CLIP4: variants seen among roughly 807,000 people sequenced by gnomAD.
CLIP4 encodes CAP-Gly domain containing linker protein family member 4.
A neutral mutation model predicts 73.1 loss-of-function variants in CLIP4; 47 were observed. The ratio of observed to expected loss-of-function variants is 0.64; its 90% confidence interval spans 0.51 to 0.82. The LOEUF is 0.82. CLIP4 is among the 40% of genes least tolerant of loss of function. The pLI is 0.00. For synonymous variants in CLIP4, 306 were observed against 295.4 expected, an observed-to-expected ratio of 1.04 and a Z score of -0.37; for missense variants, 874 against 852.9, an observed-to-expected ratio of 1.02 and a Z score of -0.31.
chr2:29,130,737 C>A, intron 2 of CLIP4: 2 of 1,249,326 alleles, frequency 1.6e-6, no homozygotes, highest in Non-Finnish European at 2.1e-6. Flanking sequence ...TTTGGTGCCT[C>A]TCATCTTTTA....
Position 29,167,074 on chromosome 2 carries a change from C to T in CLIP4, c.1659-402C>T, listed in dbSNP as rs555542858. Among the ~76,000 whole-genome samples the T allele has an allele frequency of 2.6e-5, 4 of 152,298 alleles. No individual in the cohort carries two copies. In the East Asian group the frequency reaches 7.7e-4, roughly 29 times the overall value. On this transcript the variant is annotated intron_variant, in intron 13 of 15. Transcript: ENST00000320081. ...ATATAGTTTTACCAGAAAAATCACT[C>T]ACACAAACTCAGCCAATATCTTTTT...
At chr2:29,157,522 CG>C (rs1404881215) in intron 11 of CLIP4, 175 bp downstream of exon 11, 17 of 905,886 alleles carry the variant, frequency 1.9e-5, no homozygotes, top group Non-Finnish European at 2.7e-5. Context: ...TTTGTTTTGC[CG>C]TCTCAGATAT....
chr2:29,135,511 A>G (rs796286081), intron 5 of CLIP4, 37 bp from the exon 6 acceptor site: 1 of 1,454,382 alleles, frequency 6.9e-7, no homozygotes, highest in Non-Finnish European at 9.5e-7. Context: ...GCTAAGTTTA[A>G]ACTTTTAGTT....
intron 14 of CLIP4, among the ~76,000 whole-genome samples, chr2:29,171,903 T>C (rs1275512243): frequency 3.3e-5 from 5 of 152,146 alleles, no homozygotes; most frequent in Admixed American, 6.5e-5. Flanking sequence ...ATTACTGATA[T>C]ACACTGATGA....
At chr2:29,161,734 G>T (rs1371865719) in intron 12 of CLIP4, among the ~76,000 whole-genome samples, 1 of 152,196 alleles carries the variant, frequency 6.6e-6, no homozygotes, top group African/African-American at 2.4e-5. Context: ...AGAGCTTAGG[G>T]AATCTGAATC....
intron 2 of CLIP4, among the ~76,000 whole-genome samples, chr2:29,125,367 A>G (rs538096651): frequency 2.0e-5 from 3 of 152,312 alleles, no homozygotes; most frequent in South Asian, 2.1e-4. Flanking sequence ...CCTCACAAGC[A>G]TATGATGAAT....
chr2:29,125,172 G>GA (rs1202355387), intron 2 of CLIP4, among the ~76,000 whole-genome samples: 1 of 152,152 alleles, frequency 6.6e-6, no homozygotes, highest in Non-Finnish European at 1.5e-5. Context: ...CAGGGGCCCT[G>GA]AACCCCCTGG....
chr2:29,157,475 T>A, intron 11 of CLIP4, 128 bp downstream of exon 11: 1 of 1,440,820 alleles, frequency 6.9e-7, no homozygotes, highest in Non-Finnish European at 9.7e-7. Context: ...ACTTTTACTC[T>A]TCCCCACCTC....
intron 8 of CLIP4, among the ~76,000 whole-genome samples, chr2:29,146,950 C>T (rs903581000): frequency 1.3e-5 from 2 of 152,168 alleles, no homozygotes; most frequent in Non-Finnish European, 2.9e-5. Flanking sequence ...CCTTTCATCA[C>T]ACACTTAGGA....
intron 2 of CLIP4, among the ~76,000 whole-genome samples, chr2:29,123,443 T>C (rs909444731): frequency 1.3e-5 from 2 of 151,780 alleles, no homozygotes; most frequent in African/African-American, 4.9e-5. Context: ...AAAGCAAAAA[T>C]AGGTCATAAT....
intron 15 of CLIP4, among the ~76,000 whole-genome samples, chr2:29,180,630 A>G (rs71444413): frequency 0.032 from 4,857 of 152,310 alleles, 111 homozygotes; most frequent in Middle Eastern, 0.061. Flanking sequence ...TTGCATATGA[A>G]AAAATATTTT....
chr2:29,163,884 G>T lies in CLIP4; in HGVS notation c.1588G>T (p.Val530Phe), dbSNP rs35925675. 1.2e-6 allele frequency: 2 copies of T among 1,613,606 alleles called. No homozygotes were observed. The highest frequency in any genetic ancestry group is 1.7e-5 in the Admixed American group (1 of 60,022). The change falls in exon 13 of 16, where the codon GTT (valine) becomes TTT (phenylalanine). Residue 530 changes from valine to phenylalanine, a missense_variant. Transcript: ENST00000320081. ...ACCCCATGGCAAGAATGATGGTTCA[G>T]TTGGAGGTGTGCAGTATTTTAGCTG... ...EKPHGKNDGSVGGVQYFSCSP... is the reference protein window; with the variant it reads ...EKPHGKNDGSFGGVQYFSCSP...
chr2:29,148,286 CTCTT>C (rs1666306332), intron 8 of CLIP4, among the ~76,000 whole-genome samples: 1 of 152,204 alleles, frequency 6.6e-6, no homozygotes, highest in South Asian at 2.1e-4. Flanking sequence ...ATGGTTTTCT[CTCTT>C]TCCAAATCTA....
At chr2:29,144,821 T>TTTTG (rs1666036011) in intron 7 of CLIP4, among the ~76,000 whole-genome samples, 1 of 140,742 alleles carries the variant, frequency 7.1e-6, no homozygotes, top group African/African-American at 2.6e-5. Flanking sequence ...TTTTTTTTTT[T>TTTTG]GAGAAGAGTC....
intron 9 of CLIP4, among the ~76,000 whole-genome samples, chr2:29,155,756 C>T (rs562286667): frequency 6.6e-6 from 1 of 152,308 alleles, no homozygotes; most frequent in South Asian, 2.1e-4. Flanking sequence ...TGACTGGTCC[C>T]TGCTTCCAGC....
intron 15 of CLIP4, among the ~76,000 whole-genome samples, chr2:29,176,690 TCCTTC>T (rs1668364193): frequency 6.6e-6 from 1 of 152,192 alleles, no homozygotes; most frequent in African/African-American, 2.4e-5. Flanking sequence ...GCGTTGATTC[TCCTTC>T]ACTCTGCGGA....
chr2:29,156,874 A>AGT (rs1666959470), intron 10 of CLIP4, among the ~76,000 whole-genome samples: 1 of 31,508 alleles, frequency 3.2e-5, no homozygotes, highest in Non-Finnish European at 7.8e-5. Context: ...TTTTTGTATA[A>AGT]AAGGGGACTC....
chr2:29,129,887 C>T (rs752875348), intron 2 of CLIP4: 3 of 412,398 alleles, frequency 7.3e-6, no homozygotes, highest in Admixed American at 2.8e-5. Context: ...TTGTAAAGTT[C>T]ACAAGATTCT....
chr2:29,131,539 T>C, intron 3 of CLIP4, 142 bp downstream of exon 3: 1 of 845,856 alleles, frequency 1.2e-6, no homozygotes, highest in Non-Finnish European at 1.8e-6. Context: ...AGGATTTTCA[T>C]GGGGCAGTGA....
Sources: gnomAD v4.1 joint callset for allele counts (sites outside exome capture counted in the v4.1 genomes callset) on GRCh38, gnomAD v4.1.1 for gene constraint, MANE v1.5 for transcripts, NCBI Gene and HGNC (gene_info 2026-07-23, HGNC 2026-07-21) for gene names.